Variants in SAMSN1 observed in about 807,000 individuals in gnomAD.
The protein encoded by SAMSN1 is SAM domain-containing protein SAMSN-1.
SAMSN1 carries 31 observed loss-of-function variants against 42.0 expected under a neutral mutation model. The ratio of observed to expected loss-of-function variants is 0.74; its 90% CI spans 0.55 to 1.00. The LOEUF is 1.00. SAMSN1 is among the 50% of genes least tolerant of loss of function. SAMSN1 has a pLI of 0.00. For missense variants in SAMSN1, 464 were observed against 439.4 expected, an observed-to-expected ratio of 1.06 and a Z score of -0.50; for synonymous variants, 178 against 151.9, an observed-to-expected ratio of 1.17 and a Z score of -1.26.
At chr21:14,516,207 C>G (rs73344174) in intron 3 of SAMSN1, among the ~76,000 whole-genome samples, 1 of 151,998 alleles carries the variant, frequency 6.6e-6, no homozygotes, top group South Asian at 2.1e-4. Context: ...TTCATAATAG[C>G]CAAAAAGTGA....
At chr21:14,578,482 AG>A (rs1275209532) in intron 2 of SAMSN1, among the ~76,000 whole-genome samples, 1 of 152,044 alleles carries the variant, frequency 6.6e-6, no homozygotes, top group Non-Finnish European at 1.5e-5. Context: ...CAGGAGTTCA[AG>A]ACCAGCCTGG....
intron 5 of SAMSN1, among the ~76,000 whole-genome samples, chr21:14,603,042 C>A (rs910038692): frequency 2.0e-5 from 3 of 152,140 alleles, no homozygotes; most frequent in African/African-American, 7.2e-5. Flanking sequence ...CAACAGAATT[C>A]CAGAAAGTAC....
At chr21:14,523,036 G>C (rs1978593234) in intron 1 of SAMSN1, among the ~76,000 whole-genome samples, 1 of 152,158 alleles carries the variant, frequency 6.6e-6, no homozygotes, top group African/African-American at 2.4e-5. Flanking sequence ...CACAGACAGT[G>C]ACCCTGGTCA....
At chr21:14,513,208 C>T (rs1987765362) in intron 3 of SAMSN1, among the ~76,000 whole-genome samples, 1 of 152,132 alleles carries the variant, frequency 6.6e-6, no homozygotes, top group Admixed American at 6.6e-5. Context: ...CCAATGTTTT[C>T]CATATTTCAA....
intron 7 of SAMSN1, chr21:14,592,169 T>C (rs947608062): frequency 9.2e-5 from 14 of 152,312 alleles, no homozygotes; most frequent in African/African-American, 3.1e-4. Flanking sequence ...TCCTCTGCTC[T>C]GAAATTTTGA....
chr21:14,656,347 A>T (rs1438400169), intron 1 of SAMSN1, among the ~76,000 whole-genome samples: 4 of 151,794 alleles, frequency 2.6e-5, no homozygotes, highest in Non-Finnish European at 5.9e-5. Flanking sequence ...AACAAGTAAA[A>T]TGAAAGGGAT....
chr21:14,540,415 G>T (rs1026183266), intron 1 of SAMSN1, among the ~76,000 whole-genome samples: 28 of 152,050 alleles, frequency 1.8e-4, no homozygotes, highest in African/African-American at 6.5e-4. Flanking sequence ...CTAATATCCA[G>T]AATCTACAGT....
chr21:14,598,696 A>G (rs766443334), intron 6 of SAMSN1, among the ~76,000 whole-genome samples: 1 of 152,200 alleles, frequency 6.6e-6, no homozygotes, highest in Non-Finnish European at 1.5e-5. Flanking sequence ...TTTTGAGAAC[A>G]TGAAGGAAAC....
intron 3 of SAMSN1, among the ~76,000 whole-genome samples, chr21:14,514,937 TA>T (rs1987838205): frequency 6.6e-6 from 1 of 151,884 alleles, no homozygotes. Context: ...TGAGCTGACT[TA>T]AGGGGAGAAT....
At chr21:14,590,333 A>T (rs465340) in intron 7 of SAMSN1, among the ~76,000 whole-genome samples, 1 of 151,554 alleles carries the variant, frequency 6.6e-6, no homozygotes, top group Non-Finnish European at 1.5e-5. Context: ...GCTGGCGTGC[A>T]TTTGCATGAT....
intron 1 of SAMSN1, among the ~76,000 whole-genome samples, chr21:14,649,464 A>C (rs1193290383): frequency 2.0e-5 from 3 of 152,112 alleles, no homozygotes; most frequent in African/African-American, 4.8e-5. Context: ...GAAAAAAATA[A>C]ATTAATTAAA....
At chr21:14,554,223 G>A (rs13048954) in intron 2 of SAMSN1, among the ~76,000 whole-genome samples, 35,188 of 151,970 alleles carry the variant, frequency 0.23, 4,855 homozygotes, top group East Asian at 0.49. Flanking sequence ...TTATGAGGGT[G>A]GACTTTAACC....
intron 1 of SAMSN1, among the ~76,000 whole-genome samples, chr21:14,544,112 C>A (rs961598225): frequency 6.6e-6 from 1 of 152,150 alleles, no homozygotes; most frequent in East Asian, 1.9e-4. Context: ...TGCAGTGGCA[C>A]GAACACGGCC....
intron 3 of SAMSN1, among the ~76,000 whole-genome samples, chr21:14,613,778 C>A (rs1203739051): frequency 6.6e-6 from 1 of 151,918 alleles, no homozygotes; most frequent in Non-Finnish European, 1.5e-5. Flanking sequence ...AGAAAGTATG[C>A]AGTCACTGAA....
chr21:14,519,494 A>C (rs538843366), intron 2 of SAMSN1, among the ~76,000 whole-genome samples: 1 of 151,976 alleles, frequency 6.6e-6, no homozygotes, highest in Non-Finnish European at 1.5e-5. Flanking sequence ...CTCTCTCTCC[A>C]TATATATACA....
At chr21:14,631,634 G>T (rs1173945197) in intron 2 of SAMSN1, among the ~76,000 whole-genome samples, 1 of 152,088 alleles carries the variant, frequency 6.6e-6, no homozygotes, top group African/African-American at 2.4e-5. Context: ...CAAAGTGCTG[G>T]GATTACAGGC....
At chr21:14,491,956 A>T (rs191990353) in intron 7 of SAMSN1, among the ~76,000 whole-genome samples, 305 of 152,092 alleles carry the variant, frequency 2.0e-3, no homozygotes, top group African/African-American at 7.2e-3. Context: ...ACATATTTTT[A>T]AAAAACTTTA....
At chr21:14,636,171 G>C (rs998361760) in intron 2 of SAMSN1, among the ~76,000 whole-genome samples, 8 of 152,164 alleles carry the variant, frequency 5.3e-5, no homozygotes, top group Admixed American at 6.5e-5. Context: ...CAGTCTGAGA[G>C]CAGAAATAAA....
chr21:14,554,648 G>A (rs1004393753), intron 2 of SAMSN1, among the ~76,000 whole-genome samples: 9 of 151,382 alleles, frequency 5.9e-5, no homozygotes, highest in Non-Finnish European at 1.2e-4. Flanking sequence ...ATGTAAATGG[G>A]TGGGCTTGTC....
Sources: gnomAD v4.1 joint callset for allele counts (sites outside exome capture counted in the v4.1 genomes callset) on GRCh38, gnomAD v4.1.1 for gene constraint, MANE v1.5 for transcripts, NCBI Gene and HGNC (gene_info 2026-07-23, HGNC 2026-07-21) for gene names.